Variants in ARHGAP32 observed in about 807,000 individuals in gnomAD.
ARHGAP32 encodes the protein rho GTPase-activating protein 32.
In ARHGAP32, 51 loss-of-function variants were observed where a neutral mutation model predicts 186.5. The observed-to-expected ratio is 0.27, with a 90% CI of 0.22 to 0.35. ARHGAP32 has a LOEUF of 0.35. Ranked by LOEUF, ARHGAP32 falls within the 10% of genes least tolerant of loss-of-function variation. ARHGAP32 has a pLI of 1.00. For synonymous variants in ARHGAP32, 950 were observed against 964.3 expected, an observed-to-expected ratio of 0.99 and a Z score of 0.27; for missense variants, 2,186 against 2,623.5, an observed-to-expected ratio of 0.83 and a Z score of 3.64.
chr11:129,063,484 T>C (rs1464993394), intron 9 of ARHGAP32, among the ~76,000 whole-genome samples: 3 of 152,184 alleles, frequency 2.0e-5, no homozygotes, highest in Admixed American at 6.5e-5. Flanking sequence ...TCATTGGGTA[T>C]TGTTTTTAGG....
At chr11:129,183,669 A>G (rs1022423076) in intron 1 of ARHGAP32, among the ~76,000 whole-genome samples, 3 of 152,080 alleles carry the variant, frequency 2.0e-5, no homozygotes, top group African/African-American at 7.2e-5. Flanking sequence ...ATGCTTGACC[A>G]TATCTTCATC....
At position 128,980,621 on chromosome 11, in the gene ARHGAP32, G is replaced by A. The variant is rs561809510; in HGVS notation, c.1908C>T (p.Ile636=). The A allele has an allele frequency of 4.8e-5, 78 of 1,613,728 alleles. No individual in the cohort carries two copies. Among genetic ancestry groups the A allele is most frequent in the Middle Eastern group, 1.7e-4 (1 of 6,060 alleles). Residue 636 remains isoleucine (I), a synonymous_variant, in exon 18 of 23, where the codon ATC becomes ATT. Transcript: ENST00000682385. The part of the protein sequence containing the change: ...NSPIVTENKY[I]EVGEGPAALQ... Reference sequence around the variant, plus strand: ...GTGCAGCAGGTCCTTCTCCTACTTCGATATATTTATTTTCCGTCACAATTG... The same window carrying A: ...GTGCAGCAGGTCCTTCTCCTACTTCAATATATTTATTTTCCGTCACAATTG...
chr11:129,150,291 G>A (rs1486886470), intron 2 of ARHGAP32, among the ~76,000 whole-genome samples: 3 of 151,998 alleles, frequency 2.0e-5, no homozygotes, highest in Admixed American at 1.3e-4. Context: ...TAGAGATCTA[G>A]ACATCTAAAT....
intron 5 of ARHGAP32, among the ~76,000 whole-genome samples, chr11:129,111,203 G>A (rs1026228350): frequency 4.6e-5 from 7 of 152,020 alleles, no homozygotes; most frequent in African/African-American, 7.2e-5. Context: ...TCTTTCAGTC[G>A]GCTGATGTGA....
intron 1 of ARHGAP32, among the ~76,000 whole-genome samples, chr11:129,262,916 C>T (rs1006597593): frequency 6.6e-6 from 1 of 152,138 alleles, no homozygotes; most frequent in Non-Finnish European, 1.5e-5. Context: ...ATGTCAATCA[C>T]CTCCTCTATA....
chr11:128,986,989 T>C lies in ARHGAP32; in HGVS notation c.1299-321A>G, dbSNP rs552519281. The stretch of plus-strand genomic sequence containing the variant: ...AACAGGACTCCTAATTGCTAATGAC[T>C]TGAATATCCAATATTTTGGCAATTC... On this transcript the variant is annotated intron_variant, in intron 13 of 22. Transcript: ENST00000682385. 1.2e-3 allele frequency among the ~76,000 whole-genome samples: 183 copies of C among 152,308 alleles called. 2 individuals are homozygous for C. Among genetic ancestry groups the C allele is most frequent in the Middle Eastern group, 3.4e-3 (1 of 294 alleles).
intron 1 of ARHGAP32, among the ~76,000 whole-genome samples, chr11:129,251,628 T>C (rs1278086829): frequency 6.6e-6 from 1 of 151,802 alleles, no homozygotes; most frequent in African/African-American, 2.4e-5. Context: ...ATACTGAAGG[T>C]TAAAAACAAC....
intron 10 of ARHGAP32, among the ~76,000 whole-genome samples, chr11:129,047,243 C>A (rs1384805741): frequency 6.6e-6 from 1 of 152,166 alleles, no homozygotes; most frequent in East Asian, 1.9e-4. Context: ...AGTAGAAGCA[C>A]TGCTCACTCC....
chr11:129,169,301 G>T (rs559258597), intron 1 of ARHGAP32, among the ~76,000 whole-genome samples: 1 of 152,050 alleles, frequency 6.6e-6, no homozygotes, highest in African/African-American at 2.4e-5. Flanking sequence ...ATAATAAAAA[G>T]GGAGCCATAA....
Position 128,972,881 on chromosome 11 carries a change from C to A in ARHGAP32, c.3625G>T (p.Val1209Phe), listed in dbSNP as rs1294717350. The A allele has an allele frequency of 1.9e-6, 3 of 1,613,840 alleles. No individual in the cohort carries two copies. Among genetic ancestry groups the A allele is most frequent in the Non-Finnish European group, 2.5e-6 (3 of 1,180,022 alleles). The change falls in exon 22 of 23, where the codon GTC becomes TTC. Residue 1209 changes from valine to phenylalanine, a missense_variant. Transcript: ENST00000682385. Reference sequence around the variant, plus strand: ...GACTGGTCCTGATCCAAGAAGGAGACAGTTGGCATACTGTTCTTCCCAGAC... The same window carrying A: ...GACTGGTCCTGATCCAAGAAGGAGAAAGTTGGCATACTGTTCTTCCCAGAC... ...DQSGKNSMPT[V>F]SFLDQDQSPP... is the part of the protein sequence containing the mutation.
chr11:128,972,987 C>G lies in ARHGAP32; in HGVS notation c.3519G>C (p.Gly1173=). The part of the protein sequence containing the change: ...GNQPHQAYLS[G]DPEKARITSV... Reference sequence around the variant, plus strand: ...AAGTAATTCTGGCCTTTTCTGGGTCCCCAGATAAATATGCTTGATGTGGCT... The same window carrying G: ...AAGTAATTCTGGCCTTTTCTGGGTCGCCAGATAAATATGCTTGATGTGGCT... The change falls in exon 22 of 23, where the codon GGG becomes GGC. Residue 1173 remains glycine, a synonymous_variant. Transcript: ENST00000682385. The G allele has an allele frequency of 6.2e-7, 1 of 1,613,888 alleles. No individual in the cohort carries two copies. Among genetic ancestry groups the G allele is most frequent in the Non-Finnish European group, 8.5e-7 (1 of 1,179,984 alleles).
At chr11:129,080,117 G>A (rs1023659295) in intron 6 of ARHGAP32, among the ~76,000 whole-genome samples, 1 of 151,960 alleles carries the variant, frequency 6.6e-6, no homozygotes, top group Admixed American at 6.6e-5. Context: ...ATAACTACTA[G>A]ACCTAAAAAA....
At chr11:128,978,676 T>C (rs2136095312) in intron 19 of ARHGAP32, 94 bp downstream of exon 19, 5 of 1,318,716 alleles carry the variant, frequency 3.8e-6, no homozygotes, top group Non-Finnish European at 5.1e-6. Flanking sequence ...GAACACGTTA[T>C]GGAAGCAGAT....
chr11:128,989,520 A>T (rs1158112278), intron 12 of ARHGAP32, among the ~76,000 whole-genome samples: 3 of 143,626 alleles, frequency 2.1e-5, no homozygotes, highest in Admixed American at 6.8e-5. Flanking sequence ...TTTATTTCAC[A>T]CACACACACA....
In ARHGAP32 at chr11:129,063,885, C is replaced by T; in HGVS notation, c.885+17G>A. The T allele has an allele frequency of 1.3e-6, 2 of 1,589,454 alleles. No individual in the cohort carries two copies. Among genetic ancestry groups the T allele is most frequent in the South Asian group, 1.2e-5 (1 of 86,060 alleles). ...TTAGCAAGAACCAAATAACAAACAA[C>T]CACTTTAACTATTTACCTCTAAGGT... On this transcript the variant is annotated intron_variant, in intron 9 of 22. Transcript: ENST00000682385.
At chr11:129,018,296 C>T (rs1004622955) in intron 11 of ARHGAP32, among the ~76,000 whole-genome samples, 4 of 152,004 alleles carry the variant, frequency 2.6e-5, no homozygotes, top group African/African-American at 7.2e-5. Flanking sequence ...TAGATGTGAA[C>T]TTCTAGTAAA....
At chr11:129,233,830 T>C (rs1186552056) in intron 1 of ARHGAP32, among the ~76,000 whole-genome samples, 2 of 152,090 alleles carry the variant, frequency 1.3e-5, no homozygotes, top group Non-Finnish European at 2.9e-5. Flanking sequence ...CATGATAATA[T>C]ACAATATACA....
At chr11:129,178,788 C>T (rs1300814374) in intron 1 of ARHGAP32, among the ~76,000 whole-genome samples, 2 of 150,886 alleles carry the variant, frequency 1.3e-5, no homozygotes, top group Non-Finnish European at 1.5e-5. Context: ...ATACAAAAAT[C>T]AATTCAAGAT....
chr11:129,266,532 A>T (rs1197164958), intron 1 of ARHGAP32, among the ~76,000 whole-genome samples: 10 of 152,166 alleles, frequency 6.6e-5, no homozygotes, highest in Non-Finnish European at 1.5e-4. Flanking sequence ...CCCATCTGTA[A>T]CACATTCAGA....
Sources: allele counts gnomAD v4.1 joint callset (sites outside exome capture counted in the v4.1 genomes callset), GRCh38; gene constraint gnomAD v4.1.1; transcripts MANE v1.5; gene names NCBI Gene and HGNC (gene_info 2026-07-23, HGNC 2026-07-21).